The following CSMD1 variants were observed in gnomAD, a reference collection of about 807,000 sequenced individuals.
CSMD1 encodes CUB and sushi domain-containing protein 1.
CSMD1 carries 213 observed loss-of-function variants against 417.5 expected under a neutral mutation model. The ratio of observed to expected loss-of-function variants is 0.51; its 90% CI spans 0.46 to 0.57. The LOEUF is 0.57. Ranked by LOEUF, CSMD1 falls within the 20% of genes least tolerant of loss-of-function variation. The probability of loss-of-function intolerance (pLI) is 0.00; values close to 1 mark genes in which losing one functional copy is unlikely to be tolerated. For missense variants in CSMD1, 6,923 were observed against 4,529.7 expected (o/e 1.53, Z -15.17); for synonymous variants, 2,862 against 1,736.8 (o/e 1.65, Z -16.11).
intron 3 of CSMD1, among the ~76,000 whole-genome samples, chr8:4,199,922 T>C (rs779435974): frequency 6.6e-6 from 1 of 152,104 alleles, no homozygotes; most frequent in Non-Finnish European, 1.5e-5. Flanking sequence ...TGTGGTGAAG[T>C]ACGGTTACAA....
At chr8:3,922,456 C>T (rs1809344112) in intron 5 of CSMD1, among the ~76,000 whole-genome samples, 1 of 151,924 alleles carries the variant, frequency 6.6e-6, no homozygotes, top group African/African-American at 2.4e-5. Flanking sequence ...ATATTCTGTT[C>T]TGTTTCTCGT....
At chr8:4,414,407 T>G (rs1182852816) in intron 3 of CSMD1, among the ~76,000 whole-genome samples, 1 of 152,208 alleles carries the variant, frequency 6.6e-6, no homozygotes, top group African/African-American at 2.4e-5. Context: ...GTAGGCCATT[T>G]TCTTTCATAA....
chr8:4,749,918 G>T (rs1811192353), intron 1 of CSMD1, among the ~76,000 whole-genome samples: 1 of 151,932 alleles, frequency 6.6e-6, no homozygotes, highest in African/African-American at 2.4e-5. Context: ...AGATTGTCAA[G>T]CGCCACTAAT....
chr8:4,945,750 C>A (rs183137701), intron 1 of CSMD1, among the ~76,000 whole-genome samples: 1 of 151,930 alleles, frequency 6.6e-6, no homozygotes, highest in Non-Finnish European at 1.5e-5. Context: ...GGAGATGATG[C>A]CACCTGGAGA....
chr8:3,842,268 C>T (rs1349026646), intron 5 of CSMD1, among the ~76,000 whole-genome samples: 5 of 152,018 alleles, frequency 3.3e-5, no homozygotes, highest in Non-Finnish European at 5.9e-5. Flanking sequence ...AACTAATTCC[C>T]AATCTTCTTA....
At chr8:4,342,514 G>A (rs560563426) in intron 3 of CSMD1, among the ~76,000 whole-genome samples, 58 of 152,066 alleles carry the variant, frequency 3.8e-4, no homozygotes, top group Non-Finnish European at 7.1e-4. Flanking sequence ...GTTTCATTCC[G>A]AACTCTGACA....
chr8:4,051,114 AG>A (rs1343775426), intron 3 of CSMD1, among the ~76,000 whole-genome samples: 1 of 151,600 alleles, frequency 6.6e-6, no homozygotes, highest in East Asian at 1.9e-4. Flanking sequence ...AGGGAGAACC[AG>A]GAAAAAGAAA....
chr8:4,182,644 G>T (rs912721527), intron 3 of CSMD1, among the ~76,000 whole-genome samples: 1 of 152,020 alleles, frequency 6.6e-6, no homozygotes, highest in Non-Finnish European at 1.5e-5. Flanking sequence ...CTCATTTTCA[G>T]GAGTGACCCC....
intron 46 of CSMD1, among the ~76,000 whole-genome samples, chr8:3,106,031 A>T (rs1816111992): frequency 6.6e-6 from 1 of 152,220 alleles, no homozygotes; most frequent in Admixed American, 6.5e-5. Flanking sequence ...TAGATAAAAG[A>T]AAAAGCATCA....
intron 2 of CSMD1, among the ~76,000 whole-genome samples, chr8:4,506,699 G>C (rs755484274): frequency 6.6e-6 from 1 of 152,120 alleles, no homozygotes; most frequent in South Asian, 2.1e-4. Context: ...TCTGAATAAG[G>C]AGTCAGCTTC....
At chr8:3,546,962 C>T (rs1563141342) in intron 10 of CSMD1, among the ~76,000 whole-genome samples, 1 of 152,140 alleles carries the variant, frequency 6.6e-6, no homozygotes, top group African/African-American at 2.4e-5. Context: ...TTTTGAAAAC[C>T]TCCTGGAAGA....
chr8:3,678,164 G>C (rs189881893), intron 7 of CSMD1, among the ~76,000 whole-genome samples: 6 of 152,318 alleles, frequency 3.9e-5, no homozygotes, highest in Admixed American at 2.6e-4. Flanking sequence ...CTCCTCACCA[G>C]CAACAGAACA....
rs569130068 is a variant in CSMD1 at position 4,532,661 on chromosome 8, C to T, written c.302+104681G>A. 1.9e-3 allele frequency among the ~76,000 whole-genome samples: 282 copies of T among 147,326 alleles called. 1 individual carries two copies. The highest frequency in any genetic ancestry group is 2.1e-3 in the Non-Finnish European group (142 of 67,270). On this transcript the variant is annotated intron_variant, in intron 2 of 69. Coordinates refer to ENST00000635120, the MANE Select transcript of CSMD1 (RefSeq NM_033225.6). ...GAAATCCTGCACCCCCATTCAGTCA[C>T]TCCGGAAGAGAAATCCTGCACCCCC... is the stretch of plus-strand genomic sequence containing the variant.
In CSMD1 at chr8:3,806,237, C is replaced by A. The variant is rs150298669; in HGVS notation, c.819-52195G>T. 5.3e-5 allele frequency among the ~76,000 whole-genome samples: 8 copies of A among 152,226 alleles called. No individual in the cohort carries two copies. The South Asian group carries it at 1.7e-3, about 32-fold the overall frequency. On this transcript the variant is annotated intron_variant, in intron 5 of 69. Coordinates refer to ENST00000635120, the MANE Select transcript of CSMD1 (RefSeq NM_033225.6). The stretch of plus-strand genomic sequence containing the variant: ...TTTCTTCCTCTCAGATTATGGAGTA[C>A]ATGCAGGTTGTTTTCACAGTAGGAT...
chr8:4,531,946 A>G (rs13280428), intron 2 of CSMD1, among the ~76,000 whole-genome samples: 10 of 150,342 alleles, frequency 6.7e-5, no homozygotes, highest in Non-Finnish European at 1.2e-4. Flanking sequence ...CACTCACTCC[A>G]GAAAAGAAAT....
At chr8:3,442,493 C>T (rs560030063) in intron 12 of CSMD1, among the ~76,000 whole-genome samples, 3 of 152,124 alleles carry the variant, frequency 2.0e-5, no homozygotes, top group Non-Finnish European at 4.4e-5. Context: ...TACATATGTT[C>T]GATACACAAA....
At chr8:4,537,603 C>G (rs1169700878) in intron 2 of CSMD1, among the ~76,000 whole-genome samples, 1 of 152,120 alleles carries the variant, frequency 6.6e-6, no homozygotes, top group Non-Finnish European at 1.5e-5. Context: ...TTTTCTCGGA[C>G]CTACTGTTAT....
rs552772290 is a variant in CSMD1, at chr8:2,937,926, C to G, written c.*659G>C. ...CAGAATCTTAGTCATTCATAACACA[C>G]TAGTGCAAAAAATTGTGCATTAAAC... is the stretch of plus-strand genomic sequence containing the variant. On this transcript the variant is annotated 3_prime_UTR_variant, in exon 70 of 70. Transcript: ENST00000635120. The G allele has an allele frequency of 6.5e-6, 1 of 152,684 alleles. No homozygotes were observed. Among genetic ancestry groups the G allele is most frequent in the Admixed American group, 6.5e-5 (1 of 15,290 alleles). 9.5% of individuals were successfully genotyped at this position (152,684 alleles called of 1,614,324 possible). A position where few individuals can be genotyped will look rare whatever the true frequency, so the allele number is the denominator to read the frequency against.
At chr8:3,579,715 C>T (rs1434142380) in intron 9 of CSMD1, among the ~76,000 whole-genome samples, 1 of 152,174 alleles carries the variant, frequency 6.6e-6, no homozygotes, top group East Asian at 1.9e-4. Flanking sequence ...TTTTAAGCCA[C>T]TCAGCTTATT....
Sources: gnomAD v4.1 joint callset for allele counts (sites outside exome capture counted in the v4.1 genomes callset) on GRCh38, gnomAD v4.1.1 for gene constraint, MANE v1.5 for transcripts, NCBI Gene and HGNC (gene_info 2026-07-23, HGNC 2026-07-21) for gene names.